The following NSD2 variants were observed in gnomAD, a reference collection of about 807,000 sequenced individuals.
NSD2 encodes the protein nuclear receptor binding SET domain protein 2.
Under a neutral mutation model 139.0 loss-of-function variants are expected in NSD2, and 12 were observed. The ratio of observed to expected loss-of-function variants is 0.09; its 90% CI spans 0.06 to 0.14. NSD2 has a LOEUF of 0.14. Among genes scored for constraint, NSD2 ranks in the 10% least tolerant of loss-of-function variants. The pLI, the probability that NSD2 is intolerant of heterozygous loss-of-function variation, is 1.00. For synonymous variants in NSD2, 669 were observed against 648.7 expected (o/e 1.03, Z -0.48); for missense variants, 1,155 against 1,745.0 (o/e 0.66, Z 6.02).
At position 1,955,618 on chromosome 4, in the gene NSD2, A is replaced by G; in HGVS notation, c.2519-75A>G. On this transcript the variant is annotated intron_variant, in intron 13 of 21. Transcript: ENST00000508803. The surrounding 1 kb of genome is among the most constrained non-coding windows in gnomAD (Gnocchi z 4.7). ...TATAAGTTAAGGCTGTAATAAGTGT[A>G]GACTGTGAAGCACTGAATCTGGGCT... 3 of 1,491,546 alleles carry G rather than the reference A, an allele frequency of 2.0e-6. No homozygotes were observed. The highest frequency in any genetic ancestry group is 2.7e-6 in the Non-Finnish European group (3 of 1,116,616). 92.4% of individuals were successfully genotyped at this position (1,491,546 alleles called of 1,614,324 possible). A position where few individuals can be genotyped will look rare whatever the true frequency, so the allele number is the denominator to read the frequency against.
intron 3 of NSD2, among the ~76,000 whole-genome samples, chr4:1,912,566 C>T (rs1299300651): frequency 6.6e-6 from 1 of 151,860 alleles, no homozygotes; most frequent in African/African-American, 2.4e-5. Flanking sequence ...CCTTAAAACT[C>T]ATCCTTATTA....
chr4:1,980,766 C>T lies in NSD2; in HGVS notation c.*1857C>T, dbSNP rs751335429. On this transcript the variant is annotated 3_prime_UTR_variant, in exon 22 of 22. Transcript: ENST00000508803. ...GTAGCCACTGACTTGCTCGCGCGGC[C>T]GTGGCCTCTGAGGGGCACTCGCCGG... 2.1e-5 allele frequency: 5 copies of T among 233,088 alleles called. No individual in the cohort carries two copies. Among genetic ancestry groups the T allele is most frequent in the East Asian group, 6.0e-5 (1 of 16,594 alleles). The allele number at this position is 233,088 out of a possible 1,614,324, so 14.4% of individuals were successfully genotyped here. A position where few individuals can be genotyped will look rare whatever the true frequency, so the allele number is the denominator to read the frequency against.
Position 1,948,515 on chromosome 4 carries a change from C to A in NSD2, c.1882-2557C>A. On this transcript the variant is annotated intron_variant, in intron 9 of 21. Coordinates refer to ENST00000508803, the MANE Select transcript of NSD2 (RefSeq NM_001042424.3). This position sits in a 1 kb window ranked among gnomAD's most constrained non-coding sequence, Gnocchi z 4.5. Reference sequence around the variant, plus strand: ...TGCCGAGCCGAGAGCATTGGATCCTCCCCGACTGTGGCTAGTTGTCTGTCC... The same window carrying A: ...TGCCGAGCCGAGAGCATTGGATCCTACCCGACTGTGGCTAGTTGTCTGTCC... The A allele has an allele frequency of 9.4e-7, 1 of 1,064,316 alleles. No homozygotes were observed. Among genetic ancestry groups the A allele is most frequent in the Non-Finnish European group, 1.1e-6 (1 of 877,858 alleles). The allele number at this position is 1,064,316 out of a possible 1,614,324, so 65.9% of individuals were successfully genotyped here. A position where few individuals can be genotyped will look rare whatever the true frequency, so the allele number is the denominator to read the frequency against.
intron 20 of NSD2, among the ~76,000 whole-genome samples, chr4:1,975,919 A>G (rs1187712336): frequency 6.6e-6 from 1 of 152,160 alleles, no homozygotes; most frequent in African/African-American, 2.4e-5. Flanking sequence ...TCACCTTCCA[A>G]GGTTCCAGGA....
chr4:1,878,103 C>T (rs910474736), intron 1 of NSD2, among the ~76,000 whole-genome samples: 3 of 150,560 alleles, frequency 2.0e-5, no homozygotes, highest in Non-Finnish European at 4.4e-5. Flanking sequence ...CTCTGTCACC[C>T]AGGCTGGAGT....
At chr4:1,898,866 A>G (rs532489473) in intron 1 of NSD2, among the ~76,000 whole-genome samples, 12 of 152,016 alleles carry the variant, frequency 7.9e-5, no homozygotes, top group East Asian at 5.8e-4. Context: ...AGTTGCTTCA[A>G]ACTCTCCTCA....
intron 9 of NSD2, chr4:1,941,756 C>T (rs1723121763): frequency 3.8e-6 from 4 of 1,048,058 alleles, no homozygotes; most frequent in South Asian, 9.2e-5. Flanking sequence ...ATAAATCTTC[C>T]ATTAGTGTTC....
chr4:1,981,489 T>TGGCATCCC lies in NSD2; in HGVS notation c.*2587_*2588insCGGCATCC. On this transcript the variant is annotated 3_prime_UTR_variant, in exon 22 of 22. Transcript: ENST00000508803. ...ACCGCCCCAATCCCTCAGGATTCCT[T>TGGCATCCC]GGCATCCGAAACCAGCATCTGCACC... is the stretch of plus-strand genomic sequence containing the variant. 4.0e-6 allele frequency: 1 copy of TGGCATCCC among 251,532 alleles called. No individual in the cohort carries two copies. Among genetic ancestry groups the TGGCATCCC allele is most frequent in the Non-Finnish European group, 7.6e-6 (1 of 131,076 alleles). 15.6% of individuals were successfully genotyped at this position (251,532 alleles called of 1,614,324 possible). A position where few individuals can be genotyped will look rare whatever the true frequency, so the allele number is the denominator to read the frequency against.
At chr4:1,952,009 T>C in intron 10 of NSD2, 99 bp from the exon 11 acceptor site, 2 of 1,518,836 alleles carry the variant, frequency 1.3e-6, no homozygotes, top group Non-Finnish European at 1.8e-6. Context: ...CAAAATGGGA[T>C]TTTCTGCCAC....
chr4:1,940,700 G>A (rs998657558), intron 9 of NSD2: 20 of 1,061,372 alleles, frequency 1.9e-5, no homozygotes, highest in African/African-American at 6.6e-5. Context: ...TGAGGCAAGG[G>A]TTGGACAGGC....
At chr4:1,952,948 C>G in intron 11 of NSD2, 1 of 1,426,610 alleles carries the variant, frequency 7.0e-7, no homozygotes, top group Non-Finnish European at 9.1e-7. Flanking sequence ...GAGTGTCTGT[C>G]TGCCTGCCCA....
At chr4:1,938,656 C>T in intron 8 of NSD2, 124 bp downstream of exon 8, 2 of 685,090 alleles carry the variant, frequency 2.9e-6, no homozygotes, top group Non-Finnish European at 4.7e-6. Context: ...GGGGAGGAAT[C>T]CACAATTAAG....
chr4:1,900,320 T>G (rs1716981396), intron 1 of NSD2, among the ~76,000 whole-genome samples: 1 of 152,216 alleles, frequency 6.6e-6, no homozygotes, highest in South Asian at 2.1e-4. Context: ...ATTGGCAAGT[T>G]AAGTTATGTG....
chr4:1,878,983 C>T (rs1291686393), intron 1 of NSD2, among the ~76,000 whole-genome samples: 2 of 152,102 alleles, frequency 1.3e-5, no homozygotes, highest in Non-Finnish European at 2.9e-5. Context: ...TGTTACCTCT[C>T]TGTGAACCAG....
In NSD2 at chr4:1,901,036, A is replaced by G. The variant is rs1175154998; in HGVS notation, c.382A>G (p.Ile128Val). Residue 128 changes from isoleucine to valine, a missense_variant, in exon 2 of 22, where the codon ATC becomes GTC. This residue lies in a region of NSD2 where 246 missense variants were observed against 262.8 expected (regional missense o/e 0.94). Coordinates refer to ENST00000508803, the MANE Select transcript of NSD2 (RefSeq NM_001042424.3). ...TGGCTCTCCAGAAATTAAGCTGAAAATCACCAAAACATACATGAATGGGAA... is the reference window on the plus strand; with the variant it reads ...TGGCTCTCCAGAAATTAAGCTGAAAGTCACCAAAACATACATGAATGGGAA... ...KNGSPEIKLKITKTYMNGKPL... is the reference protein window; with the variant it reads ...KNGSPEIKLKVTKTYMNGKPL... 6.2e-7 allele frequency: 1 copy of G among 1,614,116 alleles called. No individual in the cohort carries two copies. The highest frequency in any genetic ancestry group is 8.5e-7 in the Non-Finnish European group (1 of 1,180,058).
intron 9 of NSD2, chr4:1,940,094 T>G (rs967738298): frequency 1.3e-5 from 16 of 1,197,430 alleles, no homozygotes; most frequent in Non-Finnish European, 1.7e-5. Context: ...GCCCTCACAC[T>G]GTAAGAGTTC....
chr4:1,888,764 C>A (rs1474706878), intron 1 of NSD2, among the ~76,000 whole-genome samples: 4 of 151,768 alleles, frequency 2.6e-5, no homozygotes, highest in Admixed American at 1.3e-4. Flanking sequence ...TGGGGTTTCA[C>A]CATGTTGGCA....
intron 7 of NSD2, among the ~76,000 whole-genome samples, chr4:1,937,973 A>G (rs1722601867): frequency 6.6e-6 from 1 of 152,212 alleles, no homozygotes; most frequent in African/African-American, 2.4e-5. Context: ...GTATAGTGAT[A>G]CTAGTAATGT....
chr4:1,926,826 C>A (rs775725843), intron 5 of NSD2, among the ~76,000 whole-genome samples: 3 of 152,138 alleles, frequency 2.0e-5, no homozygotes, highest in Non-Finnish European at 4.4e-5. Context: ...TTTTACACAT[C>A]CATTAGATTG....
Sources: gnomAD v4.1 joint callset for allele counts (sites outside exome capture counted in the v4.1 genomes callset) on GRCh38, gnomAD v4.1.1 for gene constraint, gnomAD v4.1.1 regional missense constraint, Gnocchi (gnomAD v3.1) non-coding constraint, MANE v1.5 for transcripts, NCBI Gene and HGNC (gene_info 2026-07-23, HGNC 2026-07-21) for gene names.